The following CORO2B variants were observed in gnomAD, a reference collection of about 807,000 sequenced individuals.
CORO2B encodes the protein coronin 2B, also known as coronin-2B.
A neutral mutation model predicts 58.8 loss-of-function variants in CORO2B; 26 were observed. The observed-to-expected ratio is 0.44, with a 90% CI of 0.32 to 0.61. CORO2B has a LOEUF of 0.61. CORO2B is among the 20% of genes least tolerant of loss of function. The pLI, the probability that CORO2B is intolerant of heterozygous loss-of-function variation, is 0.04. For synonymous variants in CORO2B, 242 were observed against 253.8 expected, an observed-to-expected ratio of 0.95 and a Z score of 0.44; for missense variants, 460 against 645.1, an observed-to-expected ratio of 0.71 and a Z score of 3.11.
intron 3 of CORO2B, among the ~76,000 whole-genome samples, chr15:68,698,883 C>A (rs761313098): frequency 6.6e-6 from 1 of 152,096 alleles, no homozygotes; most frequent in Non-Finnish European, 1.5e-5. Context: ...ACCCCACCCA[C>A]CAAAACGTGG....
At chr15:68,662,907 A>G (rs1902059948) in intron 2 of CORO2B, among the ~76,000 whole-genome samples, 1 of 152,148 alleles carries the variant, frequency 6.6e-6, no homozygotes, top group South Asian at 2.1e-4. Context: ...TATTCTATGC[A>G]TTTATGACAT....
the CORO2B span, among the ~76,000 whole-genome samples, chr15:68,573,391 G>A: frequency 6.6e-6 from 1 of 152,118 alleles, no homozygotes; most frequent in South Asian, 2.1e-4. Context: ...CAGATCTGGT[G>A]GGGGCAGAGC....
rs544898467 is a variant in CORO2B at position 68,605,949 on chromosome 15, C to T, written c.15+26672C>T. ...CCATGTTGGTCAGGCAGGTCTCAAACTCCTGAACTTGTGATTCGCCCACCT... is the reference window on the plus strand; with the variant it reads ...CCATGTTGGTCAGGCAGGTCTCAAATTCCTGAACTTGTGATTCGCCCACCT... On this transcript the variant is annotated intron_variant, in intron 1 of 11. Coordinates refer to ENST00000261861, the MANE Select transcript of CORO2B (RefSeq NM_006091.5). Among the ~76,000 whole-genome samples, 80 of 152,022 alleles carry T rather than the reference C, an allele frequency of 5.3e-4. 1 individual carries two copies. Among genetic ancestry groups the T allele is most frequent in the South Asian group, 1.5e-3 (7 of 4,772 alleles).
chr15:68,624,303 C>T (rs1019557924), intron 1 of CORO2B, among the ~76,000 whole-genome samples: 1 of 152,148 alleles, frequency 6.6e-6, no homozygotes, highest in African/African-American at 2.4e-5. Context: ...CCCTTGTGCC[C>T]AGGGAGTTTG....
chr15:68,541,708 G>A, the CORO2B span, among the ~76,000 whole-genome samples: 1 of 152,152 alleles, frequency 6.6e-6, no homozygotes, highest in African/African-American at 2.4e-5. Context: ...ACTATTACTG[G>A]CCCCGCATGA....
At chr15:68,545,931 G>T in the CORO2B span, among the ~76,000 whole-genome samples, 2 of 152,142 alleles carry the variant, frequency 1.3e-5, no homozygotes, top group Non-Finnish European at 2.9e-5. Flanking sequence ...CAGAGACTTG[G>T]CATTTCCTCC....
the CORO2B span, among the ~76,000 whole-genome samples, chr15:68,531,558 A>AAGAAAGAAAG: frequency 2.3e-5 from 3 of 133,240 alleles, no homozygotes; most frequent in African/African-American, 3.0e-5. Context: ...GAAGGAAGGA[A>AAGAAAGAAAG]AGAAAGAGAA....
chr15:68,673,942 GAA>G (rs1258636467), intron 2 of CORO2B, among the ~76,000 whole-genome samples: 1 of 151,722 alleles, frequency 6.6e-6, no homozygotes. Flanking sequence ...ACAAATAAAA[GAA>G]GGGTTGACTT....
intron 1 of CORO2B, among the ~76,000 whole-genome samples, chr15:68,617,037 C>T (rs777703626): frequency 1.3e-5 from 2 of 152,162 alleles, no homozygotes; most frequent in African/African-American, 2.4e-5. Flanking sequence ...AGTAGTAACC[C>T]TGGTTACCAG....
intron 4 of CORO2B, 124 bp downstream of exon 4, chr15:68,711,005 A>T (rs897740670): frequency 3.3e-6 from 3 of 904,848 alleles, no homozygotes; most frequent in Non-Finnish European, 4.6e-6. Context: ...TCATTTGCTT[A>T]TTCATTCATT....
chr15:68,595,705 C>T (rs953986957), intron 1 of CORO2B, among the ~76,000 whole-genome samples: 3 of 152,252 alleles, frequency 2.0e-5, no homozygotes, highest in African/African-American at 7.2e-5. Context: ...TAAGCACCTG[C>T]TCCATGCCAG....
chr15:68,718,970 T>G (rs1449446251), intron 9 of CORO2B, among the ~76,000 whole-genome samples, 160 bp downstream of exon 9: 1 of 152,062 alleles, frequency 6.6e-6, no homozygotes, highest in African/African-American at 2.4e-5. Context: ...ATGGGGACAG[T>G]TGGGTTTGCT....
chr15:68,692,825 G>C (rs1285315750), intron 2 of CORO2B, among the ~76,000 whole-genome samples: 4 of 151,046 alleles, frequency 2.6e-5, no homozygotes, highest in African/African-American at 7.3e-5. Flanking sequence ...GTAGAGACGG[G>C]TTTTCTCCAT....
intron 2 of CORO2B, among the ~76,000 whole-genome samples, chr15:68,680,740 T>G (rs1017187432): frequency 1.3e-5 from 2 of 152,216 alleles, no homozygotes; most frequent in Non-Finnish European, 1.5e-5. Flanking sequence ...CTGTGTTAGT[T>G]AATCTCACTA....
the CORO2B span, among the ~76,000 whole-genome samples, chr15:68,551,098 C>A: frequency 1.3e-5 from 2 of 152,122 alleles, no homozygotes; most frequent in Non-Finnish European, 2.9e-5. Flanking sequence ...AGGCTGACCG[C>A]CCCTGGGTGA....
Position 68,632,081 on chromosome 15 carries a change from G to A in CORO2B, c.16-13079G>A, listed in dbSNP as rs1350252667. Reference sequence around the variant, plus strand: ...GGCTCCCAGGCCTCTCAGATGCCTGGAATTTCGGAGCTAGAAGGTAGTCAG... The same window carrying A: ...GGCTCCCAGGCCTCTCAGATGCCTGAAATTTCGGAGCTAGAAGGTAGTCAG... On this transcript the variant is annotated intron_variant, in intron 1 of 11. Coordinates refer to ENST00000261861, the MANE Select transcript of CORO2B (RefSeq NM_006091.5). The A allele has an allele frequency of 1.1e-5, 11 of 985,372 alleles. No homozygotes were observed. In the East Asian group the frequency reaches 1.2e-3, roughly 112 times the overall value. The allele number at this position is 985,372 out of a possible 1,614,324, so 61.0% of individuals were successfully genotyped here.
intron 3 of CORO2B, among the ~76,000 whole-genome samples, chr15:68,698,936 C>T (rs1892577126): frequency 6.6e-6 from 1 of 152,042 alleles, no homozygotes; most frequent in Admixed American, 6.6e-5. Context: ...AAGCAAAGGG[C>T]TATGCACACA....
At chr15:68,557,189 A>G in the CORO2B span, among the ~76,000 whole-genome samples, 2 of 152,238 alleles carry the variant, frequency 1.3e-5, no homozygotes, top group African/African-American at 2.4e-5. Context: ...CTTTCCCCCA[A>G]CAGAGGAAAG....
At chr15:68,559,878 T>C in the CORO2B span, among the ~76,000 whole-genome samples, 3 of 152,264 alleles carry the variant, frequency 2.0e-5, no homozygotes, top group African/African-American at 7.2e-5. The surrounding 1 kb of genome is among the most constrained non-coding windows in gnomAD (Gnocchi z 4.3). Flanking sequence ...CGTGTGGCTC[T>C]TGGCATGTGT....
Sources: allele counts gnomAD v4.1 joint callset (sites outside exome capture counted in the v4.1 genomes callset), GRCh38; gene constraint gnomAD v4.1.1; non-coding constraint Gnocchi (gnomAD v3.1); transcripts MANE v1.5; gene names NCBI Gene and HGNC (gene_info 2026-07-23, HGNC 2026-07-21).